The following DIP2B variants were observed in gnomAD, a reference collection of about 807,000 sequenced individuals.
The protein encoded by DIP2B is DIP2 acetate--CoA ligase B (putative), also known as disco-interacting protein 2 homolog B.
In DIP2B, 76 loss-of-function variants were observed where a neutral mutation model predicts 198.0. That is an observed-to-expected ratio of 0.38 (90% CI 0.32 to 0.46). DIP2B has a LOEUF of 0.46. Ranked by LOEUF, DIP2B falls within the 20% of genes least tolerant of loss-of-function variation. DIP2B has a pLI of 0.99. For synonymous variants in DIP2B, 701 were observed against 739.1 expected, an observed-to-expected ratio of 0.95 and a Z score of 0.84; for missense variants, 1,559 against 1,978.4, an observed-to-expected ratio of 0.79 and a Z score of 4.02.
At chr12:50,680,259 TAAAAA>T (rs11394582) in intron 8 of DIP2B, 45 of 106,196 alleles carry the variant, frequency 4.2e-4, no homozygotes, top group Non-Finnish European at 6.1e-4. Context: ...GACTCTGTCT[TAAAAA>T]AAAAAAAAAA....
rs140658481 is a variant in DIP2B at position 50,679,297 on chromosome 12, G to A, written c.1114+421G>A. 254 of 170,802 alleles carry A rather than the reference G, an allele frequency of 1.5e-3. 2 individuals carry two copies. Among genetic ancestry groups the A allele is most frequent in the African/African-American group, 5.5e-3 (230 of 41,682 alleles). 10.6% of individuals were successfully genotyped at this position (170,802 alleles called of 1,614,324 possible). On this transcript the variant is annotated intron_variant, in intron 8 of 37. Transcript: ENST00000301180. ...ATGAACAAAGAATGAGTACTTTTCCGTTTAATTTTGCATACTAGCTAAAAT... is the reference window on the plus strand; with the variant it reads ...ATGAACAAAGAATGAGTACTTTTCCATTTAATTTTGCATACTAGCTAAAAT...
At chr12:50,564,623 T>TA (rs1292816462) in intron 1 of DIP2B, among the ~76,000 whole-genome samples, 1 of 152,190 alleles carries the variant, frequency 6.6e-6, no homozygotes, top group Non-Finnish European at 1.5e-5. Flanking sequence ...CTCTGTGAAT[T>TA]ACCTGTTCAT....
intron 16 of DIP2B, among the ~76,000 whole-genome samples, chr12:50,696,367 ACTT>A (rs1939312033): frequency 6.6e-6 from 1 of 152,218 alleles, no homozygotes; most frequent in Non-Finnish European, 1.5e-5. Context: ...ATCTGTCAGT[ACTT>A]CTGCATTCCT....
intron 1 of DIP2B, among the ~76,000 whole-genome samples, chr12:50,522,023 T>C (rs535933114): frequency 6.6e-6 from 1 of 151,940 alleles, no homozygotes; most frequent in African/African-American, 2.4e-5. Context: ...TTTTTTAAGA[T>C]AGAGTCTTGC....
chr12:50,504,991 C>G lies in DIP2B; in HGVS notation c.-150C>G, dbSNP rs560180152. Reference sequence around the variant, plus strand: ...GGCGGGGGCCGTCGCGCTCACGTGACCTTTGCTCATGGCGGCGGCGGCGGC... The same window carrying G: ...GGCGGGGGCCGTCGCGCTCACGTGAGCTTTGCTCATGGCGGCGGCGGCGGC... On this transcript the variant is annotated 5_prime_UTR_variant, in exon 1 of 38. Transcript: ENST00000301180. 22 of 533,960 alleles carry G rather than the reference C, an allele frequency of 4.1e-5. No homozygotes were observed. The highest frequency in any genetic ancestry group is 4.0e-4 in the African/African-American group (18 of 45,238). The allele number at this position is 533,960 out of a possible 1,614,324, so 33.1% of individuals were successfully genotyped here.
At chr12:50,590,663 C>G (rs544914539) in intron 1 of DIP2B, among the ~76,000 whole-genome samples, 1 of 152,316 alleles carries the variant, frequency 6.6e-6, no homozygotes, top group African/African-American at 2.4e-5. Flanking sequence ...GCCACCATGC[C>G]TGGCATGAAT....
At chr12:50,712,735 C>T (rs892560585) in intron 22 of DIP2B, among the ~76,000 whole-genome samples, 3 of 152,000 alleles carry the variant, frequency 2.0e-5, no homozygotes, top group East Asian at 1.9e-4. Flanking sequence ...AGTGAAACCC[C>T]GTCTCTAATA....
At chr12:50,552,785 C>G (rs1958437912) in intron 1 of DIP2B, among the ~76,000 whole-genome samples, 1 of 151,850 alleles carries the variant, frequency 6.6e-6, no homozygotes, top group Non-Finnish European at 1.5e-5. Flanking sequence ...GTTTAAAGTT[C>G]TTTTTTAAAC....
intron 3 of DIP2B, among the ~76,000 whole-genome samples, chr12:50,650,274 C>T (rs1405111011): frequency 6.6e-6 from 1 of 151,602 alleles, no homozygotes; most frequent in Non-Finnish European, 1.5e-5. Context: ...TATAGGAAGG[C>T]TCAGAATGCA....
At chr12:50,628,936 T>TG (rs1937989177) in intron 2 of DIP2B, among the ~76,000 whole-genome samples, 1 of 152,112 alleles carries the variant, frequency 6.6e-6, no homozygotes, top group South Asian at 2.1e-4. Flanking sequence ...TGGAGTGCAG[T>TG]GGTGTGATCT....
At chr12:50,633,039 A>T (rs766025143) in intron 2 of DIP2B, among the ~76,000 whole-genome samples, 13 of 151,836 alleles carry the variant, frequency 8.6e-5, no homozygotes, top group Non-Finnish European at 1.5e-4. Context: ...TCAGCCTCCT[A>T]AAGTTCTGGG....
chr12:50,558,106 G>A (rs548328335), intron 1 of DIP2B, among the ~76,000 whole-genome samples: 1 of 150,488 alleles, frequency 6.6e-6, no homozygotes, highest in African/African-American at 2.4e-5. Context: ...AGCGTCCTAA[G>A]CCTGTAATTC....
chr12:50,594,223 C>G (rs1958859826), intron 1 of DIP2B, among the ~76,000 whole-genome samples: 1 of 151,916 alleles, frequency 6.6e-6, no homozygotes, highest in Non-Finnish European at 1.5e-5. Context: ...GCATTACAAA[C>G]ATGAGCCACT....
chr12:50,723,085 A>G, intron 26 of DIP2B, 117 bp from the exon 27 acceptor site: 1 of 1,239,484 alleles, frequency 8.1e-7, no homozygotes, highest in Non-Finnish European at 1.1e-6. Context: ...TTGTTAAATT[A>G]TGGTCTACAG....
intron 1 of DIP2B, among the ~76,000 whole-genome samples, chr12:50,600,498 C>T (rs1468613469): frequency 6.6e-6 from 1 of 152,150 alleles, no homozygotes; most frequent in Non-Finnish European, 1.5e-5. Context: ...AATCTGTTCA[C>T]TGGAGGCTGG....
intron 1 of DIP2B, among the ~76,000 whole-genome samples, chr12:50,558,498 T>A (rs1232354519): frequency 6.6e-6 from 1 of 152,210 alleles, no homozygotes; most frequent in Admixed American, 6.5e-5. Flanking sequence ...TGACTTGGTT[T>A]TCTTGAGGCC....
intron 1 of DIP2B, among the ~76,000 whole-genome samples, chr12:50,548,292 TA>T (rs1316936602): frequency 6.6e-6 from 1 of 152,080 alleles, no homozygotes; most frequent in Non-Finnish European, 1.5e-5. Context: ...AAGAAAAAAC[TA>T]AAAATTAATG....
intron 1 of DIP2B, among the ~76,000 whole-genome samples, chr12:50,613,359 T>C (rs927489660): frequency 2.6e-5 from 4 of 152,160 alleles, no homozygotes; most frequent in African/African-American, 4.8e-5. Flanking sequence ...GAAGGGAAAA[T>C]AGACAAGAAA....
chr12:50,674,717 C>A lies in DIP2B; in HGVS notation c.796+88C>A, dbSNP rs1431005367. 25 of 1,514,518 alleles carry A rather than the reference C, an allele frequency of 1.7e-5. No homozygotes were observed. The Admixed American group carries it at 4.5e-4, about 27-fold the overall frequency. 93.8% of individuals were successfully genotyped at this position (1,514,518 alleles called of 1,614,324 possible). A position where few individuals can be genotyped will look rare whatever the true frequency, so the allele number is the denominator to read the frequency against. On this transcript the variant is annotated intron_variant, in intron 6 of 37. Transcript: ENST00000301180. Reference sequence around the variant, plus strand: ...GAATGATAGCTCCTAACTAGCCCAGCAGCTGCAGAACTGCATTGTAGTTGG... The same window carrying A: ...GAATGATAGCTCCTAACTAGCCCAGAAGCTGCAGAACTGCATTGTAGTTGG...
Sources: allele counts gnomAD v4.1 joint callset (sites outside exome capture counted in the v4.1 genomes callset), GRCh38; gene constraint gnomAD v4.1.1; transcripts MANE v1.5; gene names NCBI Gene and HGNC (gene_info 2026-07-23, HGNC 2026-07-21).